NKTR: variants seen among roughly 807,000 people sequenced by gnomAD.
NKTR encodes NK-tumor recognition protein.
NKTR carries 67 observed loss-of-function variants against 156.3 expected under a neutral mutation model. That is an observed-to-expected ratio of 0.43 (90% CI 0.35 to 0.53). The LOEUF is 0.53. NKTR is among the 20% of genes least tolerant of loss of function. The probability of loss-of-function intolerance (pLI) is 0.01; values close to 1 mark genes in which losing one functional copy is unlikely to be tolerated. For synonymous variants in NKTR, 640 were observed against 596.6 expected, an observed-to-expected ratio of 1.07 and a Z score of -1.06; for missense variants, 1,604 against 1,730.9, an observed-to-expected ratio of 0.93 and a Z score of 1.30.
chr3:42,620,809 G>C, intron 5 of NKTR: 1 of 985,008 alleles, frequency 1.0e-6, no homozygotes. Context: ...TGTTCCTTGT[G>C]GCAGATACTT....
In NKTR at chr3:42,630,561, T is replaced by C. The variant is rs1192903053; in HGVS notation, c.390T>C (p.Ala130=). Residue 130 remains alanine (A), a synonymous_variant, in exon 7 of 17, where the codon GCT becomes GCC. Transcript: ENST00000232978. ...TATTACATAGTACCACAAAGCCTGC[T>C]CCACACCTGGATGGGTAAGAGTTAC... ...GSQFFITTKP[A]PHLDGVHVVF... 6.2e-7 allele frequency: 1 copy of C among 1,613,922 alleles called. No homozygotes were observed. Among genetic ancestry groups the C allele is most frequent in the Non-Finnish European group, 8.5e-7 (1 of 1,179,868 alleles).
At position 42,643,944 on chromosome 3, in the gene NKTR, A is replaced by G; in HGVS notation, c.4242A>G (p.Arg1414=). ...GCTACTATAGCAGGAGTCGGAGTCG[A>G]AGTAGAAGCCAGAGAAGTGACAGTT... ...YDSYYSRSRS[R]SRSQRSDSYH... is the part of the protein sequence containing the mutation. Residue 1414 remains arginine, a synonymous_variant, in exon 16 of 17, where the codon CGA becomes CGG. Transcript: ENST00000232978. 6.2e-7 allele frequency: 1 copy of G among 1,614,016 alleles called. No homozygotes were observed. The highest frequency in any genetic ancestry group is 8.5e-7 in the Non-Finnish European group (1 of 1,179,944).
chr3:42,611,631 G>A (rs1706823213), intron 2 of NKTR, among the ~76,000 whole-genome samples: 1 of 151,810 alleles, frequency 6.6e-6, no homozygotes, highest in Admixed American at 6.6e-5. Context: ...TACTCGGGAG[G>A]CTGAGGCAGG....
chr3:42,642,407 G>C lies in NKTR; in HGVS notation c.4047-94G>C, dbSNP rs3815404. On this transcript the variant is annotated intron_variant, in intron 13 of 16. Transcript: ENST00000232978. Reference sequence around the variant, plus strand: ...GAGTTTGTGAGAGGCCTTTCTTCTTGTTGTGTTTTCCCCTTTCTGCCCTAC... The same window carrying C: ...GAGTTTGTGAGAGGCCTTTCTTCTTCTTGTGTTTTCCCCTTTCTGCCCTAC... 7.5e-4 allele frequency: 669 copies of C among 888,238 alleles called. 5 individuals are homozygous for C. The East Asian group carries it at 0.016, about 22-fold the overall frequency. The allele number at this position is 888,238 out of a possible 1,614,324, so 55.0% of individuals were successfully genotyped here. A position where few individuals can be genotyped will look rare whatever the true frequency, so the allele number is the denominator to read the frequency against.
chr3:42,616,887 A>G (rs1053220000), intron 2 of NKTR, among the ~76,000 whole-genome samples: 3 of 152,112 alleles, frequency 2.0e-5, no homozygotes, highest in Admixed American at 6.5e-5. Context: ...AGCCTCCCCA[A>G]TAACTACAGG....
Position 42,634,773 on chromosome 3 carries a change from G to A in NKTR, c.1017+73G>A, listed in dbSNP as rs13093680. ...TTTTACCTATTTTCAAAGTCCTAGCGTTAATTTTAGATATAATACAAAATC... is the reference window on the plus strand; with the variant it reads ...TTTTACCTATTTTCAAAGTCCTAGCATTAATTTTAGATATAATACAAAATC... On this transcript the variant is annotated intron_variant, in intron 11 of 16. Coordinates refer to ENST00000232978, the MANE Select transcript of NKTR (RefSeq NM_005385.4). 1.2e-3 allele frequency: 876 copies of A among 742,074 alleles called. 1 individual carries two copies. The highest frequency in any genetic ancestry group is 1.7e-3 in the Non-Finnish European group (770 of 446,538). 46.0% of individuals were successfully genotyped at this position (742,074 alleles called of 1,614,324 possible). A position where few individuals can be genotyped will look rare whatever the true frequency, so the allele number is the denominator to read the frequency against.
At chr3:42,624,898 A>C (rs1002395845) in intron 6 of NKTR, among the ~76,000 whole-genome samples, 2 of 152,204 alleles carry the variant, frequency 1.3e-5, no homozygotes, top group Admixed American at 1.3e-4. Flanking sequence ...TGTATAAAAT[A>C]GTCATGAAAA....
In NKTR at chr3:42,638,074, C is replaced by T; in HGVS notation, c.2370C>T (p.Asp790=). The change falls in exon 13 of 17, where the codon GAC becomes GAT. Residue 790 remains aspartate, a synonymous_variant. Coordinates refer to ENST00000232978, the MANE Select transcript of NKTR (RefSeq NM_005385.4). ...TLHSKYVKGR[D]RSSCVRKYSE... is the part of the protein sequence containing the mutation. ...ACAGTAAATATGTCAAAGGTAGAGA[C>T]AGGTCTTCATGTGTGAGAAAGTATA... 6.2e-7 allele frequency: 1 copy of T among 1,614,088 alleles called. No individual in the cohort carries two copies. Among genetic ancestry groups the T allele is most frequent in the Non-Finnish European group, 8.5e-7 (1 of 1,179,994 alleles).
intron 13 of NKTR, among the ~76,000 whole-genome samples, chr3:42,642,252 T>TATAAA (rs1227785887): frequency 6.6e-6 from 1 of 152,198 alleles, no homozygotes; most frequent in Admixed American, 6.5e-5. Flanking sequence ...TTATTGGTGT[T>TATAAA]ATAAATCAGG....
Position 42,642,593 on chromosome 3 carries a change from A to G in NKTR, c.4139A>G (p.His1380Arg), listed in dbSNP as rs1709982276. The G allele has an allele frequency of 6.2e-7, 1 of 1,613,210 alleles. No homozygotes were observed. The highest frequency in any genetic ancestry group is 8.5e-7 in the Non-Finnish European group (1 of 1,179,108). ...AGTTCCTACCGGAGTTACAAAAGTC[A>G]CAGGTGAGCTTGTGATCTCACCCTG... ...RSSSYRSYKS[H>R]RTSSRSRSRS... is the part of the protein sequence containing the mutation. The change falls in exon 14 of 17, where the codon CAC (histidine) becomes CGC (arginine). Residue 1380 changes from histidine (H) to arginine (R), a missense_variant. His to Arg is a conservative substitution (Grantham distance 29). This residue lies in a region of NKTR where 193 missense variants were observed against 220.2 expected (regional missense o/e 0.88). Transcript: ENST00000232978.
At chr3:42,618,127 G>T (rs1158437719) in intron 3 of NKTR, among the ~76,000 whole-genome samples, 3 of 151,886 alleles carry the variant, frequency 2.0e-5, no homozygotes, top group African/African-American at 7.3e-5. Flanking sequence ...GAGGCAGGTG[G>T]ATCACCTGAG....
At chr3:42,616,163 A>G (rs1018981224) in intron 2 of NKTR, among the ~76,000 whole-genome samples, 7 of 152,214 alleles carry the variant, frequency 4.6e-5, no homozygotes, top group African/African-American at 1.4e-4. Context: ...TTAGTGATAC[A>G]GAGTCATTTT....
At chr3:42,618,008 A>T (rs1325402066) in intron 3 of NKTR, among the ~76,000 whole-genome samples, 1 of 152,158 alleles carries the variant, frequency 6.6e-6, no homozygotes, top group East Asian at 1.9e-4. Flanking sequence ...ATAAATTTTA[A>T]ATAAATAGAA....
In NKTR at chr3:42,630,979, C is replaced by T. The variant is rs565694972; in HGVS notation, c.405-192C>T. 5.5e-5 allele frequency: 77 copies of T among 1,408,766 alleles called. No homozygotes were observed. The African/African-American group carries it at 9.9e-4, about 18-fold the overall frequency. 87.3% of individuals were successfully genotyped at this position (1,408,766 alleles called of 1,614,324 possible). A position where few individuals can be genotyped will look rare whatever the true frequency, so the allele number is the denominator to read the frequency against. ...TGTTTTAAAGGCAGAAAACTGAGGC[C>T]CAGTTTGCATAATCGTTTCCTTTTA... is the stretch of plus-strand genomic sequence containing the variant. On this transcript the variant is annotated intron_variant, in intron 7 of 16. Transcript: ENST00000232978.
intron 2 of NKTR, among the ~76,000 whole-genome samples, chr3:42,607,247 A>G (rs185968144): frequency 4.3e-4 from 65 of 152,284 alleles, no homozygotes; most frequent in African/African-American, 1.5e-3. Flanking sequence ...GCGGCTCTTA[A>G]CAGAAAGATT....
At position 42,633,659 on chromosome 3, in the gene NKTR, G is replaced by C; in HGVS notation, c.853G>C (p.Glu285Gln). The C allele has an allele frequency of 6.2e-7, 1 of 1,614,146 alleles. No individual in the cohort carries two copies. The highest frequency in any genetic ancestry group is 8.5e-7 in the Non-Finnish European group (1 of 1,180,006). Residue 285 changes from glutamate (E) to glutamine (Q), a missense_variant, in exon 10 of 17, where the codon GAA becomes CAA. By Grantham distance (29) the Glu-to-Gln change is conservative. Coordinates refer to ENST00000232978, the MANE Select transcript of NKTR (RefSeq NM_005385.4). Reference protein sequence around the residue: ...AKREKPVVRPEEIPPVPENRF... With the variant: ...AKREKPVVRPQEIPPVPENRF... ...AAGGGAAAAACCTGTGGTCCGCCCA[G>C]AAGAGATTCCTCCAGTGCCTGAGAA... is the stretch of plus-strand genomic sequence containing the variant.
rs201844319 is a variant in NKTR, at chr3:42,633,568, G to A, written c.774-12G>A. 2.2e-5 allele frequency: 35 copies of A among 1,606,890 alleles called. No homozygotes were observed. The East Asian group carries it at 7.6e-4, about 35-fold the overall frequency. Reference sequence around the variant, plus strand: ...ATTATACATTTTAATCAGTGACTTGGTTTGTTCTAAGTCACTCTGAGAGGA... The same window carrying A: ...ATTATACATTTTAATCAGTGACTTGATTTGTTCTAAGTCACTCTGAGAGGA... On this transcript the variant is annotated splice_polypyrimidine_tract_variant and intron_variant, in intron 9 of 16. Transcript: ENST00000232978.
At chr3:42,630,519 A>C (rs773101486) in intron 6 of NKTR, 27 bp from the exon 7 acceptor site, 1 of 1,613,488 alleles carries the variant, frequency 6.2e-7, no homozygotes, top group Non-Finnish European at 8.5e-7. Flanking sequence ...GTTTGACATC[A>C]TCTTTGTGTT....
In NKTR at chr3:42,634,697, A is replaced by T; in HGVS notation, c.1014A>T (p.Thr338=). ...GACGGAAGATTAAAGGAAGGGGCAC[A>T]ATTGTATGTGTGATAAGACTTTTTT... The part of the protein sequence containing the change: ...KSGRKIKGRG[T]IRYHTPPRSR... Residue 338 remains threonine (T), a synonymous_variant, in exon 11 of 17, where the codon ACA becomes ACT. Transcript: ENST00000232978. 1 of 1,573,602 alleles carries T rather than the reference A, an allele frequency of 6.4e-7. No homozygotes were observed. The highest frequency in any genetic ancestry group is 8.7e-7 in the Non-Finnish European group (1 of 1,152,142).
Sources: gnomAD v4.1 joint callset for allele counts (sites outside exome capture counted in the v4.1 genomes callset) on GRCh38, gnomAD v4.1.1 for gene constraint, gnomAD v4.1.1 regional missense constraint, MANE v1.5 for transcripts, NCBI Gene and HGNC (gene_info 2026-07-23, HGNC 2026-07-21) for gene names.